The following OLFM1 variants were observed in gnomAD, a reference collection of about 807,000 sequenced individuals.
OLFM1 encodes the protein noelin.
A neutral mutation model predicts 49.7 loss-of-function variants in OLFM1; 9 were observed. The observed-to-expected ratio is 0.18, with a 90% CI of 0.11 to 0.32. The LOEUF is 0.32. Ranked by LOEUF, OLFM1 falls within the 10% of genes least tolerant of loss-of-function variation. OLFM1 has a pLI of 1.00. For missense variants in OLFM1, 369 were observed against 661.8 expected, an observed-to-expected ratio of 0.56 and a Z score of 4.85; for synonymous variants, 240 against 271.8, an observed-to-expected ratio of 0.88 and a Z score of 1.15.
chr9:135,087,300 C>G (rs941892003), upstream of OLFM1: 9 of 1,509,538 alleles, frequency 6.0e-6, no homozygotes, highest in South Asian at 1.2e-5. Context: ...AGGACGGCGC[C>G]GTCTCTCTGC....
At chr9:135,103,946 CAG>C (rs1312353309) in intron 4 of OLFM1, among the ~76,000 whole-genome samples, 2 of 152,228 alleles carry the variant, frequency 1.3e-5, no homozygotes, top group South Asian at 2.1e-4. Flanking sequence ...TTCACTGAGA[CAG>C]AGAGTGAAGC....
At chr9:135,116,912 C>G (rs1433529363) in intron 5 of OLFM1, among the ~76,000 whole-genome samples, 1 of 151,516 alleles carries the variant, frequency 6.6e-6, no homozygotes, top group Non-Finnish European at 1.5e-5. Context: ...AAACAAAAAG[C>G]ACATCTGCTT....
intron 4 of OLFM1, among the ~76,000 whole-genome samples, chr9:135,099,991 G>A (rs57402545): frequency 0.14 from 21,676 of 152,102 alleles, 1,661 homozygotes; most frequent in African/African-American, 0.17. Flanking sequence ...GCTACCCATC[G>A]TGACCTTGAG....
chr9:135,081,075 C>T (rs1250589612), intron 1 of OLFM1, among the ~76,000 whole-genome samples: 2 of 152,144 alleles, frequency 1.3e-5, no homozygotes, highest in African/African-American at 2.4e-5. Flanking sequence ...GGACTGATAC[C>T]GCATGTCACG....
upstream of OLFM1, chr9:135,087,225 G>T: frequency 7.1e-7 from 1 of 1,406,170 alleles, no homozygotes; most frequent in South Asian, 1.5e-5. Context: ...TGCCTGCTGG[G>T]TTTCAGGCGA....
chr9:135,080,968 A>G lies in OLFM1; in HGVS notation c.96+5166A>G, dbSNP rs1830525008. Reference sequence around the variant, plus strand: ...TAAAATAATAATCTAAATATTATAAATAATAATGATAGTAAATAATATACT... The same window carrying G: ...TAAAATAATAATCTAAATATTATAAGTAATAATGATAGTAAATAATATACT... On this transcript the variant is annotated intron_variant, in intron 1 of 5. Transcript: ENST00000252854. This position sits in a 1 kb window ranked among gnomAD's most constrained non-coding sequence, Gnocchi z 4.5. Among the ~76,000 whole-genome samples the G allele has an allele frequency of 6.6e-6, 1 of 150,976 alleles. No homozygotes were observed. The highest frequency in any genetic ancestry group is 2.1e-4 in the South Asian group (1 of 4,822).
chr9:135,075,809 G>A, intron 1 of OLFM1: 1 of 1,598,638 alleles, frequency 6.3e-7, no homozygotes, highest in Non-Finnish European at 8.5e-7. Context: ...TCAAGTACGT[G>A]CATCCAACGC....
At chr9:135,114,946 G>T (rs11787861) in intron 5 of OLFM1, among the ~76,000 whole-genome samples, 23,530 of 152,064 alleles carry the variant, frequency 0.15, 2,040 homozygotes, top group African/African-American at 0.23. Flanking sequence ...GGACCCCGGA[G>T]CTGATGTCAT....
chr9:135,093,586 C>A (rs1298661342), intron 2 of OLFM1, among the ~76,000 whole-genome samples: 2 of 152,178 alleles, frequency 1.3e-5, no homozygotes, highest in Admixed American at 1.3e-4. Flanking sequence ...TTGTGTGTTG[C>A]TGGCCCCCCT....
At chr9:135,081,201 C>A (rs1830527580) in intron 1 of OLFM1, among the ~76,000 whole-genome samples, 1 of 152,158 alleles carries the variant, frequency 6.6e-6, no homozygotes, top group Non-Finnish European at 1.5e-5. Flanking sequence ...CCACCCAGCA[C>A]ATATGTGATG....
At chr9:135,093,622 G>A (rs1485815543) in intron 2 of OLFM1, among the ~76,000 whole-genome samples, 5 of 152,142 alleles carry the variant, frequency 3.3e-5, no homozygotes, top group African/African-American at 4.8e-5. Context: ...CTGCTGCCCC[G>A]TTGGGTAGGG....
In OLFM1 at chr9:135,090,362, G is replaced by T; in HGVS notation, c.300+18G>T. On this transcript the variant is annotated intron_variant, in intron 2 of 5. Coordinates refer to ENST00000371793, the MANE Select transcript of OLFM1 (RefSeq NM_001282611.2). ...TGGAGAAGGTGAGTCTGCGCAGAGT[G>T]TGTGAGTTTGTATGTGTGTGTGTTT... is the stretch of plus-strand genomic sequence containing the variant. The T allele has an allele frequency of 3.2e-6, 5 of 1,586,102 alleles. No homozygotes were observed. Among genetic ancestry groups the T allele is most frequent in the Non-Finnish European group, 4.3e-6 (5 of 1,169,498 alleles).
rs1383147672 is a variant in OLFM1, at chr9:135,088,789, T to C, written c.150+650T>C. ...GGTGGGGCCCCTGGGAGCCTGCCCT[T>C]GGGCGCTCACCCCCTCGCCTTTGCC... On this transcript the variant is annotated intron_variant, in intron 1 of 5. Transcript: ENST00000371793. This position sits in a 1 kb window ranked among gnomAD's most constrained non-coding sequence, Gnocchi z 4.8. Among the ~76,000 whole-genome samples the C allele has an allele frequency of 6.6e-6, 1 of 152,178 alleles. No individual in the cohort carries two copies.
At chr9:135,091,817 TCACA>T (rs374552679) in intron 2 of OLFM1, among the ~76,000 whole-genome samples, 12 of 77,190 alleles carry the variant, frequency 1.6e-4, no homozygotes, top group Admixed American at 7.6e-4. Context: ...ACTCACATAG[TCACA>T]CACACTCACA....
chr9:135,091,632 T>TAGTCACACAC (rs1564270651), intron 2 of OLFM1, among the ~76,000 whole-genome samples: 4 of 11,456 alleles, frequency 3.5e-4, no homozygotes, highest in African/African-American at 8.8e-4. Flanking sequence ...CACACTCACA[T>TAGTCACACAC]AGTCACACAC....
At chr9:135,075,887 G>GGCTCCGCGCC in intron 1 of OLFM1, 2 of 1,454,188 alleles carry the variant, frequency 1.4e-6, no homozygotes, top group Non-Finnish European at 9.1e-7. Flanking sequence ...GAACGGCTCT[G>GGCTCCGCGCC]GCTCCGCGCC....
chr9:135,084,608 T>C (rs931133601), upstream of OLFM1, among the ~76,000 whole-genome samples: 1 of 150,958 alleles, frequency 6.6e-6, no homozygotes, highest in Non-Finnish European at 1.5e-5. This position sits in a 1 kb window ranked among gnomAD's most constrained non-coding sequence, Gnocchi z 4.6. Context: ...CTCTCTCTCT[T>C]CTTCTCCCCT....
At chr9:135,112,928 G>T (rs555969204) in intron 5 of OLFM1, among the ~76,000 whole-genome samples, 1 of 152,192 alleles carries the variant, frequency 6.6e-6, no homozygotes. Context: ...GAGCAGGTGC[G>T]GGGAGCTGCT....
At chr9:135,090,061 C>T in intron 1 of OLFM1, 134 bp from the exon 2 acceptor site, 1 of 840,166 alleles carries the variant, frequency 1.2e-6, no homozygotes, top group Non-Finnish European at 1.8e-6. Context: ...TCAAACATGT[C>T]TTGGGACCAT....
Sources: gnomAD v4.1 joint callset for allele counts (sites outside exome capture counted in the v4.1 genomes callset) on GRCh38, gnomAD v4.1.1 for gene constraint, Gnocchi (gnomAD v3.1) non-coding constraint, MANE v1.5 for transcripts, NCBI Gene and HGNC (gene_info 2026-07-23, HGNC 2026-07-21) for gene names.